Variants in AREL1 observed in about 807,000 individuals in gnomAD.
AREL1 encodes the protein apoptosis-resistant E3 ubiquitin protein ligase 1.
Under a neutral mutation model 99.0 loss-of-function variants are expected in AREL1, and 62 were observed. The ratio of observed to expected loss-of-function variants is 0.63; its 90% confidence interval spans 0.51 to 0.77. The LOEUF (loss-of-function observed/expected upper bound fraction) is 0.77, where lower values mean the gene tolerates loss of function less well. AREL1 is among the 30% of genes least tolerant of loss of function. AREL1 has a pLI of 0.00. For synonymous variants in AREL1, 380 were observed against 376.5 expected (o/e 1.01, Z -0.11); for missense variants, 879 against 1,027.6 (o/e 0.86, Z 1.98).
intron 1 of AREL1, among the ~76,000 whole-genome samples, chr14:74,703,753 G>C (rs1438324052): frequency 1.3e-5 from 2 of 152,170 alleles, no homozygotes; most frequent in African/African-American, 4.8e-5. Flanking sequence ...AAGGACATTT[G>C]GGTTACATCC....
rs2089104912 is a variant in AREL1, at chr14:74,662,405, G to A, written c.*1315C>T. On this transcript the variant is annotated 3_prime_UTR_variant, in exon 20 of 20. Coordinates refer to ENST00000356357, the MANE Select transcript of AREL1 (RefSeq NM_001039479.2). ...ATTGGGAATGGTAGCTTGCAGCAAA[G>A]CCTTCTTAAAAACACAAATTTGGGA... 2.5e-6 allele frequency: 1 copy of A among 394,674 alleles called. No individual in the cohort carries two copies. The highest frequency in any genetic ancestry group is 4.5e-6 in the Non-Finnish European group (1 of 223,808). 24.4% of individuals were successfully genotyped at this position (394,674 alleles called of 1,614,324 possible). A position where few individuals can be genotyped will look rare whatever the true frequency, so the allele number is the denominator to read the frequency against.
At chr14:74,667,988 T>A (rs1350129396) in intron 15 of AREL1, among the ~76,000 whole-genome samples, 2 of 152,228 alleles carry the variant, frequency 1.3e-5, no homozygotes, top group African/African-American at 4.8e-5. Flanking sequence ...GAAGTCTTTT[T>A]ATGTCTCAGA....
chr14:74,703,748 C>T (rs2090127578), intron 1 of AREL1, among the ~76,000 whole-genome samples: 1 of 152,170 alleles, frequency 6.6e-6, no homozygotes, highest in African/African-American at 2.4e-5. Flanking sequence ...AGATGAAGGA[C>T]ATTTGGGTTA....
chr14:74,682,251 C>T (rs1047205584), intron 5 of AREL1, among the ~76,000 whole-genome samples: 2 of 152,142 alleles, frequency 1.3e-5, no homozygotes, highest in African/African-American at 4.8e-5. Context: ...CAAAGATACA[C>T]AAATCTTAAG....
Position 74,672,916 on chromosome 14 carries a change from A to C in AREL1, c.1337T>G (p.Phe446Cys). The change falls in exon 11 of 20, where the codon TTC becomes TGC. Residue 446 changes from phenylalanine (F) to cysteine (C), a missense_variant. Phe to Cys is a radical substitution (Grantham distance 205, BLOSUM62 -2). Coordinates refer to ENST00000356357, the MANE Select transcript of AREL1 (RefSeq NM_001039479.2). ...SETFQDKVNF[F>C]QRELRQVHMK... is the part of the protein sequence containing the mutation. ...ATGTACCTGCCGAAGCTCTCGCTGG[A>C]AAAAGTTCACCTTGTCCTGAAAGGT... The C allele has an allele frequency of 2.5e-6, 4 of 1,614,190 alleles. No homozygotes were observed. Among genetic ancestry groups the C allele is most frequent in the Non-Finnish European group, 3.4e-6 (4 of 1,180,026 alleles).
At chr14:74,678,940 G>T (rs2089561737) in intron 5 of AREL1, among the ~76,000 whole-genome samples, 1 of 152,074 alleles carries the variant, frequency 6.6e-6, no homozygotes, top group African/African-American at 2.4e-5. Flanking sequence ...ACCCAGGCTG[G>T]AGTGTAGTGG....
rs1432565793 is a variant in AREL1, at chr14:74,664,937, T to C, written c.2104-12A>G. The C allele has an allele frequency of 2.4e-5, 38 of 1,611,160 alleles. No homozygotes were observed. Among genetic ancestry groups the C allele is most frequent in the South Asian group, 3.3e-5 (3 of 91,026 alleles). ...CCACACATCAGCAGCTGGAAAAAGATGGTAAGGTGTTACTATGACAGTCAG... is the reference window on the plus strand; with the variant it reads ...CCACACATCAGCAGCTGGAAAAAGACGGTAAGGTGTTACTATGACAGTCAG... On this transcript the variant is annotated splice_polypyrimidine_tract_variant and intron_variant, in intron 17 of 19. Transcript: ENST00000356357.
chr14:74,691,809 G>A (rs552443714), intron 2 of AREL1, among the ~76,000 whole-genome samples: 8 of 152,282 alleles, frequency 5.3e-5, no homozygotes, highest in Non-Finnish European at 1.0e-4. Context: ...TTTAATTACA[G>A]TAGCAACTAA....
At chr14:74,684,960 A>G (rs191486683) in intron 3 of AREL1, among the ~76,000 whole-genome samples, 26 of 152,334 alleles carry the variant, frequency 1.7e-4, no homozygotes, top group Admixed American at 9.2e-4. Context: ...TAAATTGTCT[A>G]TGGCTACTTT....
At chr14:74,699,736 T>C (rs969369998) in intron 1 of AREL1, among the ~76,000 whole-genome samples, 2 of 152,212 alleles carry the variant, frequency 1.3e-5, no homozygotes, top group African/African-American at 4.8e-5. Context: ...ATCATTTTGT[T>C]TGAAGGAGAA....
At chr14:74,688,019 C>CTTTTTTTTTT (rs764034669) in intron 2 of AREL1, among the ~76,000 whole-genome samples, 1 of 108,704 alleles carries the variant, frequency 9.2e-6, no homozygotes, top group Non-Finnish European at 1.9e-5. Context: ...TGAGTACTTA[C>CTTTTTTTTTT]TTTTTTTTTT....
At chr14:74,696,984 A>G (rs12883924) in intron 1 of AREL1, among the ~76,000 whole-genome samples, 1 of 152,102 alleles carries the variant, frequency 6.6e-6, no homozygotes, top group East Asian at 1.9e-4. Flanking sequence ...ATAAAATAAT[A>G]AAATAAAATA....
At chr14:74,671,921 G>A (rs2089355536) in intron 11 of AREL1, 1 of 437,032 alleles carries the variant, frequency 2.3e-6, no homozygotes, top group Non-Finnish European at 4.7e-6. Flanking sequence ...AGCGAGCCAT[G>A]CCACACGGAG....
chr14:74,686,583 T>C (rs969163941), intron 2 of AREL1, among the ~76,000 whole-genome samples: 2 of 152,188 alleles, frequency 1.3e-5, no homozygotes, highest in Admixed American at 1.3e-4. Context: ...CCCAACACCT[T>C]TTATCAGCAC....
chr14:74,674,054 G>A lies in AREL1; in HGVS notation c.1138C>T (p.Arg380Ter), dbSNP rs1400527831. 12 of 1,613,314 alleles carry A rather than the reference G, an allele frequency of 7.4e-6. No individual in the cohort carries two copies. The highest frequency in any genetic ancestry group is 1.0e-5 in the Non-Finnish European group (12 of 1,179,492). The change falls in exon 9 of 20, where the codon CGA becomes TGA. Residue 380 changes from arginine (R) to a stop codon, truncating the protein, a stop_gained. Transcript: ENST00000356357. LOFTEE classifies it high-confidence loss of function. ...KIIPWRLYTF[R>*]VCPGTKFSYL... Reference sequence around the variant, plus strand: ...CTTACTTTTGTTCCTGGACACACTCGGAAGGTGTAAAGGCGCCAGGGGATG... The same window carrying A: ...CTTACTTTTGTTCCTGGACACACTCAGAAGGTGTAAAGGCGCCAGGGGATG...
intron 2 of AREL1, among the ~76,000 whole-genome samples, chr14:74,689,838 C>T (rs1452283510): frequency 1.3e-5 from 2 of 151,768 alleles, no homozygotes; most frequent in Non-Finnish European, 2.9e-5. Context: ...TGAGGTGATC[C>T]GCCTGCCTCA....
At chr14:74,712,807 G>T (rs2090338977) in intron 1 of AREL1, 126 bp downstream of exon 1, 2 of 385,946 alleles carry the variant, frequency 5.2e-6, no homozygotes, top group South Asian at 4.3e-5. Flanking sequence ...TGAGGAGAAT[G>T]TGTTCCCCCA....
chr14:74,689,016 T>TC (rs2089810564), intron 2 of AREL1, among the ~76,000 whole-genome samples: 1 of 151,172 alleles, frequency 6.6e-6, no homozygotes, highest in South Asian at 2.1e-4. Flanking sequence ...TTTTGTATTT[T>TC]TTTTTTTTTT....
At chr14:74,712,717 C>T (rs1415223895) in intron 1 of AREL1, 2 of 299,934 alleles carry the variant, frequency 6.7e-6, no homozygotes, top group Admixed American at 8.9e-5. Flanking sequence ...GCACAAAGCA[C>T]CATATCGGCT....
Sources: gnomAD v4.1 joint callset for allele counts (sites outside exome capture counted in the v4.1 genomes callset) on GRCh38, gnomAD v4.1.1 for gene constraint, MANE v1.5 for transcripts, NCBI Gene and HGNC (gene_info 2026-07-23, HGNC 2026-07-21) for gene names.